The following KCNQ1 variants were observed in gnomAD, a reference collection of about 807,000 sequenced individuals.
The protein encoded by KCNQ1 is potassium voltage-gated channel subfamily Q member 1.
In KCNQ1, 49 loss-of-function variants were observed where a neutral mutation model predicts 72.4. The observed-to-expected ratio is 0.68, with a 90% CI of 0.54 to 0.86. The LOEUF (loss-of-function observed/expected upper bound fraction) is 0.86, where lower values mean the gene tolerates loss of function less well. Among genes scored for constraint, KCNQ1 ranks in the 40% least tolerant of loss-of-function variants. KCNQ1 has a pLI of 0.00. For missense variants in KCNQ1, 790 were observed against 945.1 expected (o/e 0.84, Z 2.15); for synonymous variants, 450 against 412.6 (o/e 1.09, Z -1.10).
At chr11:2,778,964 G>A (rs1846767889) in intron 15 of KCNQ1, among the ~76,000 whole-genome samples, 1 of 152,178 alleles carries the variant, frequency 6.6e-6, no homozygotes, top group Non-Finnish European at 1.5e-5. Flanking sequence ...TCCCCACCTG[G>A]CACCATCTGC....
intron 14 of KCNQ1, among the ~76,000 whole-genome samples, chr11:2,777,420 G>T (rs1461901085): frequency 6.6e-6 from 1 of 152,148 alleles, no homozygotes; most frequent in Non-Finnish European, 1.5e-5. Context: ...CAGGGCTCAA[G>T]TTGAGAGGGA....
intron 15 of KCNQ1, among the ~76,000 whole-genome samples, chr11:2,789,603 G>C (rs1294656617): frequency 3.3e-5 from 5 of 152,204 alleles, no homozygotes; most frequent in Non-Finnish European, 5.9e-5. Flanking sequence ...CAGCACCCAG[G>C]ACGCAGCTGG....
rs926981376 is a variant in KCNQ1, at chr11:2,826,700, C to T, written c.1795-21067C>T. 5.3e-5 allele frequency among the ~76,000 whole-genome samples: 8 copies of T among 152,230 alleles called. No individual in the cohort carries two copies. The highest frequency in any genetic ancestry group is 1.4e-4 in the African/African-American group (6 of 41,462). Reference sequence around the variant, plus strand: ...AGGGGTGCAGAGGGCCAGAGAGGCACGGGGCTCCCCTGGGCACCCCTCGTC... The same window carrying T: ...AGGGGTGCAGAGGGCCAGAGAGGCATGGGGCTCCCCTGGGCACCCCTCGTC... On this transcript the variant is annotated intron_variant, in intron 15 of 15. Transcript: ENST00000155840. This position sits in a 1 kb window ranked among gnomAD's most constrained non-coding sequence, Gnocchi z 4.2.
rs922474195 is a variant in KCNQ1 at position 2,471,705 on chromosome 11, GGTGT to G, written c.386+26226_386+26229del. Among the ~76,000 whole-genome samples, 2 of 149,846 alleles carry G rather than the reference GGTGT, an allele frequency of 1.3e-5. No homozygotes were observed. Among genetic ancestry groups the G allele is most frequent in the Non-Finnish European group, 3.0e-5 (2 of 67,566 alleles). On this transcript the variant is annotated intron_variant, in intron 1 of 15. Coordinates refer to ENST00000155840, the MANE Select transcript of KCNQ1 (RefSeq NM_000218.3). This position sits in a 1 kb window ranked among gnomAD's most constrained non-coding sequence, Gnocchi z 4.8. The stretch of plus-strand genomic sequence containing the variant: ...GTGTATGGGTGTGCATGTGTGTATA[GGTGT>G]GTGTATGTGTGCATGGGCGTGTGTA...
In KCNQ1 at chr11:2,764,210, T is replaced by G. The variant is rs1483710931; in HGVS notation, c.1515-4634T>G. Among the ~76,000 whole-genome samples, 5 of 150,800 alleles carry G rather than the reference T, an allele frequency of 3.3e-5. No individual in the cohort carries two copies. In the Admixed American group the frequency reaches 3.3e-4, roughly 10 times the overall value. ...TTTTAGTTTTTGTCTTTTTTTTTTT[T>G]AGGTAATGGAGTTTCTATTCCTAGT... On this transcript the variant is annotated intron_variant, in intron 11 of 15. Transcript: ENST00000155840. The surrounding 1 kb of genome is among the most constrained non-coding windows in gnomAD (Gnocchi z 4.8).
At chr11:2,700,766 C>T (rs950546597) in intron 11 of KCNQ1, among the ~76,000 whole-genome samples, 15 of 152,156 alleles carry the variant, frequency 9.9e-5, no homozygotes, top group African/African-American at 3.4e-4. Flanking sequence ...CGGGCCCGCC[C>T]TGCCCACCTC....
intron 1 of KCNQ1, among the ~76,000 whole-genome samples, chr11:2,523,461 A>G (rs982726552): frequency 9.2e-5 from 14 of 152,136 alleles, no homozygotes; most frequent in African/African-American, 3.1e-4. Flanking sequence ...CGGCCTCCCA[A>G]AGTGCTGGGA....
At chr11:2,845,454 G>C (rs1252044591) in intron 15 of KCNQ1, among the ~76,000 whole-genome samples, 1 of 152,222 alleles carries the variant, frequency 6.6e-6, no homozygotes, top group East Asian at 1.9e-4. Context: ...CTGAAGTGCT[G>C]GCGGGTCCTT....
chr11:2,514,176 A>G (rs560850346), intron 1 of KCNQ1, among the ~76,000 whole-genome samples: 2 of 152,288 alleles, frequency 1.3e-5, no homozygotes, highest in East Asian at 1.9e-4. Context: ...GCTGGCGGCC[A>G]TGGAGGCAGT....
rs1183515841 is a variant in KCNQ1 at position 2,816,571 on chromosome 11, G to A, written c.1795-31196G>A. Among the ~76,000 whole-genome samples the A allele has an allele frequency of 2.0e-5, 3 of 152,298 alleles. No homozygotes were observed. In the East Asian group the frequency reaches 5.8e-4, roughly 29 times the overall value. Reference sequence around the variant, plus strand: ...AGAGGGAGCAAACAGCCACCCTGTGGTGAAGCCACACCACATATGATGAGG... The same window carrying A: ...AGAGGGAGCAAACAGCCACCCTGTGATGAAGCCACACCACATATGATGAGG... On this transcript the variant is annotated intron_variant, in intron 15 of 15. Coordinates refer to ENST00000155840, the MANE Select transcript of KCNQ1 (RefSeq NM_000218.3). This position sits in a 1 kb window ranked among gnomAD's most constrained non-coding sequence, Gnocchi z 6.8.
At chr11:2,660,156 A>C (rs747230391) in intron 10 of KCNQ1, 13 of 398,248 alleles carry the variant, frequency 3.3e-5, no homozygotes, top group Non-Finnish European at 5.8e-5. Flanking sequence ...TGTTTTCTTC[A>C]AGATATTTTA....
In KCNQ1 at chr11:2,707,082, C is replaced by T. The variant is rs571724606; in HGVS notation, c.1514+45001C>T. On this transcript the variant is annotated intron_variant, in intron 11 of 15. Coordinates refer to ENST00000155840, the MANE Select transcript of KCNQ1 (RefSeq NM_000218.3). ...CAAGGACCAGGAGCGGGGTTCTCAA[C>T]AGCCACTTCTGTCCCAAATTTGTTT... Among the ~76,000 whole-genome samples, 10 of 152,342 alleles carry T rather than the reference C, an allele frequency of 6.6e-5. No homozygotes were observed. The East Asian group carries it at 1.9e-3, about 29-fold the overall frequency.
intron 10 of KCNQ1, chr11:2,631,064 T>G (rs1384882593): frequency 1.8e-5 from 7 of 398,454 alleles, no homozygotes; most frequent in African/African-American, 1.0e-4. Flanking sequence ...GAAACCTCTT[T>G]TAGATGGAAA....
rs1179977450 is a variant in KCNQ1, at chr11:2,457,887, C to T, written c.386+12403C>T. ...CTCCATCCCTGCATTTGAATGAGGA[C>T]TATCAGTATGCATCCAGGATGACGT... On this transcript the variant is annotated intron_variant, in intron 1 of 15. Transcript: ENST00000155840. This position sits in a 1 kb window ranked among gnomAD's most constrained non-coding sequence, Gnocchi z 5.0. Among the ~76,000 whole-genome samples the T allele has an allele frequency of 1.3e-5, 2 of 151,638 alleles. No individual in the cohort carries two copies. The highest frequency in any genetic ancestry group is 4.9e-5 in the African/African-American group (2 of 41,228).
intron 11 of KCNQ1, among the ~76,000 whole-genome samples, chr11:2,707,626 A>G (rs1367098493): frequency 6.6e-6 from 1 of 152,188 alleles, no homozygotes; most frequent in Non-Finnish European, 1.5e-5. Flanking sequence ...GGCTTTGTTT[A>G]TCTCCCAATT....
At chr11:2,717,961 T>A (rs1422760567) in intron 11 of KCNQ1, among the ~76,000 whole-genome samples, 1 of 152,238 alleles carries the variant, frequency 6.6e-6, no homozygotes, top group Non-Finnish European at 1.5e-5. Flanking sequence ...ACACCTGGCA[T>A]GGCTTCCTTG....
rs887154446 is a variant in KCNQ1, at chr11:2,695,570, A to C, written c.1514+33489A>C. On this transcript the variant is annotated intron_variant, in intron 11 of 15. Coordinates refer to ENST00000155840, the MANE Select transcript of KCNQ1 (RefSeq NM_000218.3). This position sits in a 1 kb window ranked among gnomAD's most constrained non-coding sequence, Gnocchi z 5.2. ...GGGCCATGCTGCCCTGAGCATGCACACACACAGCCTCTCGTTGTTCTGGGT... is the reference window on the plus strand; with the variant it reads ...GGGCCATGCTGCCCTGAGCATGCACCCACACAGCCTCTCGTTGTTCTGGGT... 5.0e-6 allele frequency: 2 copies of C among 398,518 alleles called. No individual in the cohort carries two copies. The highest frequency in any genetic ancestry group is 4.1e-5 in the African/African-American group (2 of 48,624). The allele number at this position is 398,518 out of a possible 1,614,324, so 24.7% of individuals were successfully genotyped here.
At chr11:2,806,945 G>A (rs1847385489) in intron 15 of KCNQ1, among the ~76,000 whole-genome samples, 1 of 152,202 alleles carries the variant, frequency 6.6e-6, no homozygotes, top group African/African-American at 2.4e-5. Context: ...GGGGGCATGG[G>A]GAGGGGTGAC....
chr11:2,632,360 A>C (rs943621067), intron 10 of KCNQ1: 1 of 398,342 alleles, frequency 2.5e-6, no homozygotes, highest in Admixed American at 4.4e-5. Flanking sequence ...TGATGCCTTT[A>C]TTTCTTTTCC....
Sources: gnomAD v4.1 joint callset for allele counts (sites outside exome capture counted in the v4.1 genomes callset) on GRCh38, gnomAD v4.1.1 for gene constraint, Gnocchi (gnomAD v3.1) non-coding constraint, MANE v1.5 for transcripts, NCBI Gene and HGNC (gene_info 2026-07-23, HGNC 2026-07-21) for gene names.